The following TSPAN12 variants were observed in gnomAD, a reference collection of about 807,000 sequenced individuals.
The protein encoded by TSPAN12 is tetraspanin 12, also known as tetraspanin-12.
Under a neutral mutation model 39.2 loss-of-function variants are expected in TSPAN12, and 19 were observed. That is an observed-to-expected ratio of 0.49 (90% CI 0.34 to 0.71). The LOEUF is 0.71. Ranked by LOEUF, TSPAN12 falls within the 30% of genes least tolerant of loss-of-function variation. The pLI is 0.01. For missense variants in TSPAN12, 314 were observed against 359.9 expected, an observed-to-expected ratio of 0.87 and a Z score of 1.03; for synonymous variants, 119 against 124.8, an observed-to-expected ratio of 0.95 and a Z score of 0.31.
chr7:120,842,435 A>G (rs1325842458), intron 2 of TSPAN12, among the ~76,000 whole-genome samples: 3 of 144,904 alleles, frequency 2.1e-5, no homozygotes, highest in Non-Finnish European at 4.5e-5. Flanking sequence ...CAAAGAAGAC[A>G]ATTACAAACT....
intron 6 of TSPAN12, among the ~76,000 whole-genome samples, chr7:120,807,816 C>T (rs17142964): frequency 0.037 from 5,657 of 151,928 alleles, 160 homozygotes; most frequent in African/African-American, 0.076. Context: ...TTATAAATGA[C>T]GAATTACTGA....
At chr7:120,854,839 G>A (rs1279225773) in intron 2 of TSPAN12, among the ~76,000 whole-genome samples, 1 of 152,094 alleles carries the variant, frequency 6.6e-6, no homozygotes, top group Admixed American at 6.6e-5. Context: ...TTGAAGCGTA[G>A]GTGATATTGG....
At chr7:120,820,706 T>G (rs1275011500) in intron 4 of TSPAN12, among the ~76,000 whole-genome samples, 1 of 152,124 alleles carries the variant, frequency 6.6e-6, no homozygotes, top group African/African-American at 2.4e-5. Context: ...TTCTTAAACA[T>G]TATTTTATCC....
chr7:120,788,716 T>C lies in TSPAN12; in HGVS notation c.794A>G (p.Asn265Ser). ...PGTDQMMSLK[N>S]DNSQHLSCPS... ...ACATGACAGGTGCTGAGAGTTGTCA[T>C]TCTTCAAGGACATCATTTGGTCTGT... Residue 265 changes from asparagine to serine, a missense_variant, in exon 8 of 8, where the codon AAT (asparagine) becomes AGT (serine). Asn to Ser is a conservative substitution (Grantham distance 46). Transcript: ENST00000222747. The C allele has an allele frequency of 1.2e-6, 2 of 1,614,176 alleles. No individual in the cohort carries two copies. Among genetic ancestry groups the C allele is most frequent in the African/African-American group, 2.7e-5 (2 of 75,052 alleles).
chr7:120,825,154 G>GT (rs902358823), intron 4 of TSPAN12, among the ~76,000 whole-genome samples: 6 of 151,778 alleles, frequency 4.0e-5, no homozygotes, highest in East Asian at 1.9e-4. Context: ...TTTACATAAG[G>GT]TTTTTTTTGT....
intron 4 of TSPAN12, among the ~76,000 whole-genome samples, chr7:120,828,921 T>G (rs1794339404): frequency 6.6e-6 from 1 of 152,146 alleles, no homozygotes; most frequent in Non-Finnish European, 1.5e-5. Flanking sequence ...TTTAATAAAA[T>G]TCTGTTATTT....
intron 7 of TSPAN12, among the ~76,000 whole-genome samples, chr7:120,794,285 C>G (rs971640198): frequency 2.0e-5 from 3 of 152,124 alleles, no homozygotes; most frequent in Non-Finnish European, 2.9e-5. Context: ...AAACTTGCAG[C>G]AGACAGGCGT....
chr7:120,806,441 T>C, intron 7 of TSPAN12, 108 bp downstream of exon 7: 1 of 1,327,956 alleles, frequency 7.5e-7, no homozygotes, highest in Non-Finnish European at 1.0e-6. Context: ...TTTTAAGGCC[T>C]TTTACATTTA....
In TSPAN12 at chr7:120,788,725, G is replaced by A; in HGVS notation, c.785C>T (p.Ser262Phe). 1.2e-6 allele frequency: 2 copies of A among 1,614,112 alleles called. No homozygotes were observed. The highest frequency in any genetic ancestry group is 1.1e-5 in the South Asian group (1 of 91,082). Reference protein sequence around the residue: ...RREPGTDQMMSLKNDNSQHLS... With the variant: ...RREPGTDQMMFLKNDNSQHLS... ...GTGCTGAGAGTTGTCATTCTTCAAG[G>A]ACATCATTTGGTCTGTCCCCGGCTC... is the stretch of plus-strand genomic sequence containing the variant. Residue 262 changes from serine (S) to phenylalanine (F), a missense_variant, in exon 8 of 8, where the codon TCC becomes TTC. By Grantham distance (155) the Ser-to-Phe change is radical. Coordinates refer to ENST00000222747, the MANE Select transcript of TSPAN12 (RefSeq NM_012338.4).
intron 5 of TSPAN12, 89 bp downstream of exon 5, chr7:120,815,640 T>C (rs1001205573): frequency 2.4e-5 from 29 of 1,186,098 alleles, no homozygotes; most frequent in Non-Finnish European, 2.9e-5. Context: ...AGTTCTTTCA[T>C]AGCGGAGTGA....
chr7:120,853,016 T>A (rs984408160), intron 2 of TSPAN12, among the ~76,000 whole-genome samples: 1 of 152,102 alleles, frequency 6.6e-6, no homozygotes, highest in Non-Finnish European at 1.5e-5. Context: ...GCCTTAACAC[T>A]GAAGAAGTAA....
At chr7:120,818,283 G>T (rs1794123141) in intron 4 of TSPAN12, among the ~76,000 whole-genome samples, 1 of 152,060 alleles carries the variant, frequency 6.6e-6, no homozygotes, top group Admixed American at 6.6e-5. Context: ...TATTCTATGG[G>T]TAATGCAAAT....
intron 2 of TSPAN12, among the ~76,000 whole-genome samples, chr7:120,852,787 C>G (rs762442162): frequency 6.6e-5 from 10 of 152,102 alleles, no homozygotes; most frequent in Non-Finnish European, 1.2e-4. Context: ...ACTGGACTTT[C>G]AATTCCTGTT....
In TSPAN12 at chr7:120,788,874, G is replaced by C. The variant is rs1390479024; in HGVS notation, c.636C>G (p.Ser212=). The C allele has an allele frequency of 6.2e-7, 1 of 1,614,058 alleles. No individual in the cohort carries two copies. Among genetic ancestry groups the C allele is most frequent in the Admixed American group, 1.7e-5 (1 of 60,014 alleles). Residue 212 remains serine (S), a synonymous_variant, in exon 8 of 8, where the codon TCC becomes TCG. Coordinates refer to ENST00000222747, the MANE Select transcript of TSPAN12 (RefSeq NM_012338.4). ...YQEGCGKKMY[S]FLRGTKQLQV... is the part of the protein sequence containing the mutation. ...GCAGTTGTTTGGTTCCTCTCAAAAA[G>C]GAATACATTTTCTTCCCACAACCCT...
intron 6 of TSPAN12, among the ~76,000 whole-genome samples, chr7:120,807,875 AT>A (rs1025552010): frequency 3.2e-4 from 49 of 152,246 alleles, no homozygotes; most frequent in African/African-American, 1.1e-3. Flanking sequence ...AATACTTTAT[AT>A]ATATTTTTCC....
chr7:120,806,147 T>C lies in TSPAN12; in HGVS notation c.612+402A>G, dbSNP rs879690705. On this transcript the variant is annotated intron_variant, in intron 7 of 7. Transcript: ENST00000222747. ...TTTGGAGAGGTTCTTTTTTTTCCCC[T>C]TCTATGTGTTGGTGGTCTATGTGGA... 9.1e-4 allele frequency among the ~76,000 whole-genome samples: 139 copies of C among 152,090 alleles called. 1 individual carries two copies. Among genetic ancestry groups the C allele is most frequent in the Admixed American group, 7.8e-3 (119 of 15,238 alleles).
chr7:120,802,083 G>A (rs527872786), intron 7 of TSPAN12, among the ~76,000 whole-genome samples: 27 of 152,264 alleles, frequency 1.8e-4, no homozygotes, highest in African/African-American at 6.0e-4. Flanking sequence ...TCAAGACACT[G>A]CACTTCAGTA....
Position 120,824,012 on chromosome 7 carries a change from G to C in TSPAN12, c.286-8209C>G, listed in dbSNP as rs563743789. 1.5e-3 allele frequency among the ~76,000 whole-genome samples: 221 copies of C among 152,212 alleles called. 1 individual carries two copies. The highest frequency in any genetic ancestry group is 5.1e-3 in the African/African-American group (210 of 41,522). ...TTCAGGGTTATGCGAGGTAAAGGAGGTGAGTGGAGATTGGAAATATTCTAA... is the reference window on the plus strand; with the variant it reads ...TTCAGGGTTATGCGAGGTAAAGGAGCTGAGTGGAGATTGGAAATATTCTAA... On this transcript the variant is annotated intron_variant, in intron 4 of 7. Coordinates refer to ENST00000222747, the MANE Select transcript of TSPAN12 (RefSeq NM_012338.4).
At chr7:120,847,703 AG>A (rs1247256147) in intron 2 of TSPAN12, among the ~76,000 whole-genome samples, 35 of 152,306 alleles carry the variant, frequency 2.3e-4, no homozygotes, top group African/African-American at 8.4e-4. Flanking sequence ...TGGCTAGTTC[AG>A]GCCTTCATCC....
Sources: allele counts gnomAD v4.1 joint callset (sites outside exome capture counted in the v4.1 genomes callset), GRCh38; gene constraint gnomAD v4.1.1; transcripts MANE v1.5; gene names NCBI Gene and HGNC (gene_info 2026-07-23, HGNC 2026-07-21).